EYS: variants seen among roughly 807,000 people sequenced by gnomAD.
EYS encodes the protein protein eyes shut homolog.
Under a neutral mutation model 282.1 loss-of-function variants are expected in EYS, and 250 were observed. That is an observed-to-expected ratio of 0.89 (90% CI 0.80 to 0.98). The LOEUF (loss-of-function observed/expected upper bound fraction) is 0.98, where lower values mean the gene tolerates loss of function less well. Among genes scored for constraint, EYS ranks in the 50% least tolerant of loss-of-function variants. EYS has a pLI of 0.00. For synonymous variants in EYS, 1,355 were observed against 1,282.9 expected (o/e 1.06, Z -1.20); for missense variants, 4,016 against 3,709.0 (o/e 1.08, Z -2.15).
rs934162832 is a variant in EYS at position 65,286,529 on chromosome 6, T to C, written c.2023+9334A>G. Among the ~76,000 whole-genome samples, 150 of 151,814 alleles carry C rather than the reference T, an allele frequency of 9.9e-4. 1 individual carries two copies. Among genetic ancestry groups the C allele is most frequent in the Non-Finnish European group, 2.1e-3 (139 of 67,800 alleles). ...GACCTGTAACCCACAGAAATATACA[T>C]ATATCTTCAAAATTTAACATGTGAT... On this transcript the variant is annotated intron_variant, in intron 12 of 42. Transcript: ENST00000503581.
intron 31 of EYS, among the ~76,000 whole-genome samples, chr6:64,134,265 G>A (rs115165109): frequency 0.019 from 2,945 of 151,984 alleles, 82 homozygotes; most frequent in African/African-American, 0.067. Flanking sequence ...GAAATGATGA[G>A]GAAGGCCTTT....
intron 26 of EYS, among the ~76,000 whole-genome samples, chr6:64,488,753 T>C (rs1776647888): frequency 6.6e-6 from 1 of 151,060 alleles, no homozygotes; most frequent in African/African-American, 2.4e-5. Flanking sequence ...GATAGCATGC[T>C]AAAGTTACAA....
At chr6:65,281,747 A>G (rs1768225569) in intron 12 of EYS, among the ~76,000 whole-genome samples, 1 of 152,118 alleles carries the variant, frequency 6.6e-6, no homozygotes. Context: ...AATACTAATG[A>G]CATTGGGGAC....
At chr6:65,677,429 C>A (rs1193744950) in intron 1 of EYS, among the ~76,000 whole-genome samples, 4 of 151,618 alleles carry the variant, frequency 2.6e-5, no homozygotes, top group African/African-American at 9.7e-5. Context: ...TAACAAAGAA[C>A]AATTTTGAAA....
At chr6:64,873,012 G>A (rs952073308) in intron 19 of EYS, among the ~76,000 whole-genome samples, 1 of 152,068 alleles carries the variant, frequency 6.6e-6, no homozygotes, top group Admixed American at 6.6e-5. Context: ...AACAAGGTAA[G>A]ATCTGTAAGG....
intron 19 of EYS, among the ~76,000 whole-genome samples, chr6:64,828,910 G>T (rs1025432655): frequency 6.6e-6 from 1 of 151,996 alleles, no homozygotes; most frequent in African/African-American, 2.4e-5. Flanking sequence ...ACTGGAAATG[G>T]ATTGCTGCTT....
At chr6:65,507,746 A>G (rs541362637) in intron 2 of EYS, among the ~76,000 whole-genome samples, 1 of 151,864 alleles carries the variant, frequency 6.6e-6, no homozygotes, top group African/African-American at 2.4e-5. Flanking sequence ...AATGGTCTTT[A>G]TTTCTATTAT....
chr6:64,511,634 A>T (rs1354862772), intron 26 of EYS, among the ~76,000 whole-genome samples: 1 of 152,066 alleles, frequency 6.6e-6, no homozygotes, highest in East Asian at 1.9e-4. Flanking sequence ...ACACTGCTTT[A>T]GTTAGTCTCC....
intron 2 of EYS, among the ~76,000 whole-genome samples, chr6:65,617,196 G>A (rs188958113): frequency 2.9e-4 from 44 of 151,690 alleles, no homozygotes; most frequent in Middle Eastern, 3.4e-3. Context: ...ATGTTGACCT[G>A]GAGAAAAAAA....
At chr6:64,382,988 C>T in intron 29 of EYS, among the ~76,000 whole-genome samples, 1 of 152,076 alleles carries the variant, frequency 6.6e-6, no homozygotes, top group East Asian at 1.9e-4. Context: ...TGTTGTCTCA[C>T]TAAGAAAGGC....
chr6:64,109,865 T>C (rs1773149704), intron 31 of EYS, among the ~76,000 whole-genome samples: 1 of 152,066 alleles, frequency 6.6e-6, no homozygotes, highest in East Asian at 1.9e-4. Flanking sequence ...ATATGGGAAG[T>C]TGTTGGGTTC....
chr6:65,647,728 C>A (rs1049230874), intron 1 of EYS, among the ~76,000 whole-genome samples: 3 of 152,082 alleles, frequency 2.0e-5, no homozygotes, highest in Non-Finnish European at 4.4e-5. Context: ...GCAGAGTTAA[C>A]AGACAACCCA....
At chr6:64,009,798 ACTCTGGTTTTTTGAGTTGCCAGAGTT>A (rs1208286300) in intron 33 of EYS, among the ~76,000 whole-genome samples, 37 of 151,860 alleles carry the variant, frequency 2.4e-4, no homozygotes, top group African/African-American at 8.7e-4. Flanking sequence ...GTAAAAAGGC[ACTCTGGTTTTTTGAGTTGCCAGAGTT>A]CTTGCGCTTG....
At chr6:65,693,385 C>A (rs1242718084) in intron 1 of EYS, among the ~76,000 whole-genome samples, 14 of 139,794 alleles carry the variant, frequency 1.0e-4, no homozygotes, top group African/African-American at 2.6e-4. Context: ...CAAAAGCAAA[C>A]AATCTTCTTT....
At chr6:64,472,558 A>G (rs1184160481) in intron 26 of EYS, among the ~76,000 whole-genome samples, 1 of 152,224 alleles carries the variant, frequency 6.6e-6, no homozygotes, top group Non-Finnish European at 1.5e-5. Context: ...CACAAAATAT[A>G]ACTTTAAGTC....
chr6:64,415,178 T>C (rs1398772745), intron 28 of EYS, among the ~76,000 whole-genome samples: 1 of 152,190 alleles, frequency 6.6e-6, no homozygotes, highest in South Asian at 2.1e-4. Context: ...AAATGGATTG[T>C]AGCACCTTTA....
At chr6:64,603,571 C>A (rs1766828021) in intron 24 of EYS, among the ~76,000 whole-genome samples, 1 of 151,920 alleles carries the variant, frequency 6.6e-6, no homozygotes, top group African/African-American at 2.4e-5. Context: ...TTATCAAAAT[C>A]TTATACAGCC....
intron 1 of EYS, among the ~76,000 whole-genome samples, chr6:65,705,295 A>G (rs912558855): frequency 6.6e-6 from 1 of 152,204 alleles, no homozygotes; most frequent in African/African-American, 2.4e-5. Flanking sequence ...GGCTGCATAG[A>G]GGAAAATTTA....
At chr6:65,437,998 C>T (rs1384728087) in intron 5 of EYS, among the ~76,000 whole-genome samples, 6 of 146,280 alleles carry the variant, frequency 4.1e-5, no homozygotes, top group African/African-American at 1.5e-4. Context: ...TAATGCTATC[C>T]CTCTCCCCTC....
Sources: gnomAD v4.1 joint callset for allele counts (sites outside exome capture counted in the v4.1 genomes callset) on GRCh38, gnomAD v4.1.1 for gene constraint, MANE v1.5 for transcripts, NCBI Gene and HGNC (gene_info 2026-07-23, HGNC 2026-07-21) for gene names.